Variants in SLC36A1 observed in about 807,000 individuals in gnomAD.
The protein encoded by SLC36A1 is solute carrier family 36 member 1.
SLC36A1 carries 30 observed loss-of-function variants against 47.5 expected under a neutral mutation model. The ratio of observed to expected loss-of-function variants is 0.63; its 90% CI spans 0.47 to 0.86. The LOEUF is 0.86. SLC36A1 is among the 40% of genes least tolerant of loss of function. SLC36A1 has a pLI of 0.00. For synonymous variants in SLC36A1, 255 were observed against 249.7 expected (o/e 1.02, Z -0.20); for missense variants, 517 against 606.0 (o/e 0.85, Z 1.54).
rs564669418 is a variant in SLC36A1 at position 151,490,503 on chromosome 5, G to T, written c.*2249G>T. ...CTGCCCATCCGAGTTCTGAGATTGG[G>T]ACTGTGATGTTGGGACCTGAGGACT... On this transcript the variant is annotated 3_prime_UTR_variant, in exon 11 of 11. Transcript: ENST00000243389. 1.3e-5 allele frequency: 2 copies of T among 152,494 alleles called. No homozygotes were observed. The highest frequency in any genetic ancestry group is 4.1e-4 in the South Asian group (2 of 4,828). 9.4% of individuals were successfully genotyped at this position (152,494 alleles called of 1,614,324 possible).
intron 7 of SLC36A1, among the ~76,000 whole-genome samples, chr5:151,470,501 C>T (rs1328663185): frequency 6.6e-6 from 1 of 152,208 alleles, no homozygotes; most frequent in Non-Finnish European, 1.5e-5. Flanking sequence ...TCTGAGTCTT[C>T]CTCTGGGCTT....
At chr5:151,505,574 G>A in the SLC36A1 span, 1 of 1,613,970 alleles carries the variant, frequency 6.2e-7, no homozygotes, top group Admixed American at 1.7e-5. Context: ...GCTAGAACAT[G>A]ACCTCCTCAC....
the SLC36A1 span, chr5:151,534,438 G>A: frequency 6.2e-7 from 1 of 1,611,564 alleles, no homozygotes; most frequent in Non-Finnish European, 8.5e-7. Context: ...AAATACTACA[G>A]CCACAGGGGT....
At chr5:151,530,903 C>A in the SLC36A1 span, among the ~76,000 whole-genome samples, 7 of 152,128 alleles carry the variant, frequency 4.6e-5, no homozygotes, top group African/African-American at 1.7e-4. Flanking sequence ...TGTTCAAAAT[C>A]TCCATGGTAA....
At chr5:151,496,706 C>G (rs950019082), downstream of SLC36A1, among the ~76,000 whole-genome samples, 3 of 152,194 alleles carry the variant, frequency 2.0e-5, no homozygotes, top group Admixed American at 2.0e-4. Context: ...CAGGTGCATG[C>G]CACCACGCCT....
chr5:151,407,712 G>T, the SLC36A1 span, among the ~76,000 whole-genome samples: 1 of 152,190 alleles, frequency 6.6e-6, no homozygotes, highest in African/African-American at 2.4e-5. Context: ...TTGGGTCTGG[G>T]GATGGAAGTT....
chr5:151,371,138 G>C, the SLC36A1 span, among the ~76,000 whole-genome samples: 1 of 152,064 alleles, frequency 6.6e-6, no homozygotes, highest in African/African-American at 2.4e-5. Flanking sequence ...TCCAGACATT[G>C]AAAAATGTCC....
chr5:151,550,601 G>T, the SLC36A1 span: 1 of 1,614,116 alleles, frequency 6.2e-7, no homozygotes, highest in Non-Finnish European at 8.5e-7. Context: ...ATGACTGTCA[G>T]TGTGTGCTGG....
chr5:151,450,941 T>C (rs1753568272), intron 1 of SLC36A1: 1 of 152,258 alleles, frequency 6.6e-6, no homozygotes, highest in Non-Finnish European at 1.5e-5. Context: ...TTGTTTCCCA[T>C]AGAAGAAGCT....
At chr5:151,533,442 TC>T in the SLC36A1 span, among the ~76,000 whole-genome samples, 1 of 138,250 alleles carries the variant, frequency 7.2e-6, no homozygotes, top group Non-Finnish European at 1.6e-5. Context: ...ACACACGCTT[TC>T]CAGGTCCAGC....
the SLC36A1 span, chr5:151,512,396 A>T: frequency 6.2e-6 from 10 of 1,614,242 alleles, no homozygotes; most frequent in South Asian, 1.1e-4. This position sits in a 1 kb window ranked among gnomAD's most constrained non-coding sequence, Gnocchi z 4.1. Flanking sequence ...CCGCCCAGCA[A>T]GAGGTGCCTT....
the SLC36A1 span, chr5:151,554,331 C>T: frequency 1.3e-6 from 2 of 1,587,848 alleles, no homozygotes; most frequent in East Asian, 4.5e-5. Flanking sequence ...CATGCCACTC[C>T]TCCCTCCGTG....
At chr5:151,528,166 G>T in the SLC36A1 span, 1 of 1,608,624 alleles carries the variant, frequency 6.2e-7, no homozygotes, top group African/African-American at 1.3e-5. Context: ...TGAATGGAGG[G>T]ACAGGAATCT....
chr5:151,398,416 C>G, the SLC36A1 span, among the ~76,000 whole-genome samples: 1 of 152,098 alleles, frequency 6.6e-6, no homozygotes, highest in Non-Finnish European at 1.5e-5. Context: ...ATTTTGGATT[C>G]CTTTTGCTTG....
chr5:151,506,126 C>T, the SLC36A1 span: 1 of 1,492,514 alleles, frequency 6.7e-7, no homozygotes, highest in Non-Finnish European at 8.8e-7. Context: ...ATAGGGTGAG[C>T]TCATTTTCTC....
At chr5:151,374,525 G>T in the SLC36A1 span, among the ~76,000 whole-genome samples, 1 of 152,200 alleles carries the variant, frequency 6.6e-6, no homozygotes, top group South Asian at 2.1e-4. Flanking sequence ...GAATAGCACT[G>T]CAGTAAACAT....
chr5:151,550,665 T>A, the SLC36A1 span: 1 of 1,614,218 alleles, frequency 6.2e-7, no homozygotes, highest in Middle Eastern at 1.6e-4. Flanking sequence ...CACCACTGCT[T>A]GGGTCCAGCT....
chr5:151,366,051 C>T, the SLC36A1 span, among the ~76,000 whole-genome samples: 1 of 152,216 alleles, frequency 6.6e-6, no homozygotes, highest in African/African-American at 2.4e-5. Flanking sequence ...AAATCACCAA[C>T]ATTTGTAGAG....
At chr5:151,537,485 G>C in the SLC36A1 span, among the ~76,000 whole-genome samples, 1 of 151,692 alleles carries the variant, frequency 6.6e-6, no homozygotes, top group African/African-American at 2.4e-5. Context: ...CAAGATGTCA[G>C]CTGTGCTAAA....
Sources: allele counts gnomAD v4.1 joint callset (sites outside exome capture counted in the v4.1 genomes callset), GRCh38; gene constraint gnomAD v4.1.1; non-coding constraint Gnocchi (gnomAD v3.1); transcripts MANE v1.5; gene names NCBI Gene and HGNC (gene_info 2026-07-23, HGNC 2026-07-21).